Variants in ALMS1 observed in about 807,000 individuals in gnomAD.
The protein encoded by ALMS1 is centrosome-associated protein ALMS1.
ALMS1 carries 271 observed loss-of-function variants against 352.2 expected under a neutral mutation model. The ratio of observed to expected loss-of-function variants is 0.77; its 90% confidence interval spans 0.70 to 0.85. ALMS1 has a LOEUF of 0.85. ALMS1 is among the 40% of genes least tolerant of loss of function. The pLI, the probability that ALMS1 is intolerant of heterozygous loss-of-function variation, is 0.00. For missense variants in ALMS1, 5,445 were observed against 4,870.7 expected, an observed-to-expected ratio of 1.12 and a Z score of -3.51; for synonymous variants, 1,865 against 1,761.2, an observed-to-expected ratio of 1.06 and a Z score of -1.48.
chr2:73,552,957 G>T (rs957503146), intron 13 of ALMS1, among the ~76,000 whole-genome samples: 3 of 151,978 alleles, frequency 2.0e-5, no homozygotes, highest in Non-Finnish European at 4.4e-5. Context: ...TTCAAAGCAG[G>T]TATTCTGTAA....
chr2:73,412,020 A>G (rs1046288345), intron 2 of ALMS1, among the ~76,000 whole-genome samples: 1 of 152,194 alleles, frequency 6.6e-6, no homozygotes, highest in African/African-American at 2.4e-5. Context: ...AGAGTTGTCT[A>G]TACATTTTCT....
At chr2:73,408,849 A>G (rs563409220) in intron 2 of ALMS1, 102 bp downstream of exon 2, 3 of 496,796 alleles carry the variant, frequency 6.0e-6, no homozygotes, top group Non-Finnish European at 1.0e-5. Flanking sequence ...ATTCATTAAT[A>G]TTATGTTTTC....
At chr2:73,473,921 AG>A (rs1558660210) in intron 9 of ALMS1, among the ~76,000 whole-genome samples, 37 of 27,418 alleles carry the variant, frequency 1.3e-3, no homozygotes, top group Non-Finnish European at 3.9e-3. Context: ...CTTAGAGGGA[AG>A]AGAGAGAGAG....
intron 16 of ALMS1, among the ~76,000 whole-genome samples, chr2:73,597,203 T>A (rs1675570749): frequency 6.6e-6 from 1 of 152,160 alleles, no homozygotes; most frequent in South Asian, 2.1e-4. Flanking sequence ...GTGAGATAGT[T>A]TTCTTAATTT....
intron 10 of ALMS1, among the ~76,000 whole-genome samples, chr2:73,505,688 C>T (rs1445465941): frequency 1.3e-5 from 2 of 151,362 alleles, no homozygotes; most frequent in Non-Finnish European, 3.0e-5. Context: ...TTATGTGGAT[C>T]TCAGCCCTTT....
intron 2 of ALMS1, among the ~76,000 whole-genome samples, chr2:73,410,516 A>G (rs1184337102): frequency 6.6e-6 from 1 of 152,256 alleles, no homozygotes; most frequent in African/African-American, 2.4e-5. Flanking sequence ...ATTTTGATAC[A>G]TAAATTACCT....
chr2:73,584,054 A>T (rs1158825956), intron 16 of ALMS1, among the ~76,000 whole-genome samples: 1 of 152,208 alleles, frequency 6.6e-6, no homozygotes, highest in East Asian at 1.9e-4. Context: ...TGGTTTTTTG[A>T]TAACTTAGCA....
chr2:73,505,394 A>G (rs1181008936), intron 10 of ALMS1, among the ~76,000 whole-genome samples: 6 of 152,112 alleles, frequency 3.9e-5, no homozygotes, highest in African/African-American at 1.4e-4. Flanking sequence ...TTGTTTCCCA[A>G]CTTTTTAATG....
chr2:73,420,741 T>G lies in ALMS1; in HGVS notation c.646+1423T>G, dbSNP rs145156222. Among the ~76,000 whole-genome samples the G allele has an allele frequency of 1.8e-4, 28 of 152,334 alleles. No homozygotes were observed. The East Asian group carries it at 5.0e-3, about 27-fold the overall frequency. ...AGTTTTATAACTCTGGCTTCTCATT[T>G]ACTATAGTTAGGGCAGAACATTTTA... On this transcript the variant is annotated intron_variant, in intron 3 of 22. Coordinates refer to ENST00000613296, the MANE Select transcript of ALMS1 (RefSeq NM_001378454.1).
intron 16 of ALMS1, among the ~76,000 whole-genome samples, chr2:73,578,612 A>G (rs1675103467): frequency 6.6e-6 from 1 of 152,178 alleles, no homozygotes; most frequent in East Asian, 1.9e-4. Context: ...AAACCAACTT[A>G]GCTTCAATAA....
At chr2:73,389,587 T>C (rs1036219040) in intron 1 of ALMS1, among the ~76,000 whole-genome samples, 1 of 152,234 alleles carries the variant, frequency 6.6e-6, no homozygotes, top group Admixed American at 6.5e-5. Flanking sequence ...AGTTAATCTT[T>C]GCATATGGTG....
rs1572970628 is a variant in ALMS1 at position 73,491,208 on chromosome 2, TA to T, written c.9251del (p.Asn3084ThrfsTer19). 3 of 1,614,194 alleles carry T rather than the reference TA, an allele frequency of 1.9e-6. No individual in the cohort carries two copies. Among genetic ancestry groups the T allele is most frequent in the East Asian group, 2.2e-5 (1 of 44,882 alleles). ...ASKARMNSEF[N>X]FDLHTVSSRS... is the part of the protein sequence containing the mutation. ...CTAAAGCGAGGATGAATAGTGAGTTTAACTTTGACTTACATACTGTATCTTC... is the reference window on the plus strand; with the variant it reads ...CTAAAGCGAGGATGAATAGTGAGTTTACTTTGACTTACATACTGTATCTTC... On this transcript the variant is annotated frameshift_variant, in exon 10 of 23. Coordinates refer to ENST00000613296, the MANE Select transcript of ALMS1 (RefSeq NM_001378454.1). LOFTEE classifies it high-confidence loss of function.
intron 15 of ALMS1, among the ~76,000 whole-genome samples, chr2:73,569,352 T>C (rs976528613): frequency 2.6e-5 from 4 of 152,058 alleles, no homozygotes; most frequent in African/African-American, 9.7e-5. Flanking sequence ...TTCTGTATTT[T>C]ACTTCATTCC....
At chr2:73,396,646 CTTT>C (rs60309974) in intron 1 of ALMS1, among the ~76,000 whole-genome samples, 2 of 104,714 alleles carry the variant, frequency 1.9e-5, no homozygotes, top group Non-Finnish European at 4.0e-5. Context: ...ATTGTCCATT[CTTT>C]TTTTTTTTTT....
At chr2:73,503,467 A>G (rs1415067740) in intron 10 of ALMS1, among the ~76,000 whole-genome samples, 3 of 152,260 alleles carry the variant, frequency 2.0e-5, no homozygotes, top group African/African-American at 7.2e-5. Context: ...CATGGTGTAT[A>G]TGTGGCACAT....
chr2:73,585,495 G>A (rs1202323705), intron 16 of ALMS1, among the ~76,000 whole-genome samples: 2 of 150,468 alleles, frequency 1.3e-5, no homozygotes, highest in East Asian at 3.9e-4. Context: ...CCAGGTTCAA[G>A]AGATTCTTCT....
chr2:73,424,910 C>T lies in ALMS1; in HGVS notation c.1237+8C>T. 1 of 1,581,910 alleles carries T rather than the reference C, an allele frequency of 6.3e-7. No homozygotes were observed. The highest frequency in any genetic ancestry group is 8.6e-7 in the Non-Finnish European group (1 of 1,161,030). ...CAGAAACATATTTAACCAGTAAGTA[C>T]CCTGATTCTTTTTCAGATTCATCTG... On this transcript the variant is annotated splice_region_variant and intron_variant, in intron 5 of 22. Transcript: ENST00000613296.
intron 1 of ALMS1, among the ~76,000 whole-genome samples, chr2:73,392,598 A>G (rs1241026863): frequency 2.0e-5 from 3 of 152,116 alleles, no homozygotes. Context: ...AAATGGAATG[A>G]TATGTGTTTT....
chr2:73,453,099 A>G lies in ALMS1; in HGVS notation c.6572A>G (p.His2191Arg), dbSNP rs550441966. The G allele has an allele frequency of 1.5e-5, 25 of 1,614,090 alleles. 1 individual carries two copies. The South Asian group carries it at 2.4e-4, about 16-fold the overall frequency. Residue 2191 changes from histidine (H) to arginine (R), a missense_variant, in exon 8 of 23, where the codon CAT (histidine) becomes CGT (arginine). Transcript: ENST00000613296. Reference protein sequence around the residue: ...LQTVPSGTYSHGENHKLVSEH... With the variant: ...LQTVPSGTYSRGENHKLVSEH... ...ACAGTTCCCTCTGGTACTTACTCAC[A>G]TGGTGAGAATCACAAGCTTGTTTCA... is the stretch of plus-strand genomic sequence containing the variant.
Sources: gnomAD v4.1 joint callset for allele counts (sites outside exome capture counted in the v4.1 genomes callset) on GRCh38, gnomAD v4.1.1 for gene constraint, MANE v1.5 for transcripts, NCBI Gene and HGNC (gene_info 2026-07-23, HGNC 2026-07-21) for gene names.